ADAMTS12: variants seen among roughly 807,000 people sequenced by gnomAD.
ADAMTS12 encodes ADAM metallopeptidase with thrombospondin type 1 motif 12.
ADAMTS12 carries 118 observed loss-of-function variants against 167.8 expected under a neutral mutation model. The ratio of observed to expected loss-of-function variants is 0.70; its 90% confidence interval spans 0.61 to 0.82. The LOEUF (loss-of-function observed/expected upper bound fraction) is 0.82. Ranked by LOEUF, ADAMTS12 falls within the 40% of genes least tolerant of loss-of-function variation. The probability of loss-of-function intolerance (pLI) is 0.00; values close to 1 mark genes in which losing one functional copy is unlikely to be tolerated. For synonymous variants in ADAMTS12, 704 were observed against 716.9 expected (o/e 0.98, Z 0.29); for missense variants, 1,916 against 1,998.8 (o/e 0.96, Z 0.79).
intron 3 of ADAMTS12, among the ~76,000 whole-genome samples, chr5:33,721,019 T>A (rs1743787677): frequency 6.6e-6 from 1 of 152,198 alleles, no homozygotes; most frequent in Non-Finnish European, 1.5e-5. Flanking sequence ...TGTGAAATAG[T>A]CACACAATGG....
At chr5:33,584,079 C>T (rs1006101939) in intron 18 of ADAMTS12, among the ~76,000 whole-genome samples, 3 of 152,178 alleles carry the variant, frequency 2.0e-5, no homozygotes, top group African/African-American at 2.4e-5. Flanking sequence ...GTGCTGCCTG[C>T]GTTCAAATCC....
intron 2 of ADAMTS12, among the ~76,000 whole-genome samples, chr5:33,753,820 C>T (rs544465403): frequency 1.8e-4 from 27 of 152,282 alleles, no homozygotes; most frequent in African/African-American, 6.0e-4. Flanking sequence ...CCAGGGTGCA[C>T]GCGGAAAATC....
At chr5:33,816,800 G>T (rs555838088) in intron 2 of ADAMTS12, among the ~76,000 whole-genome samples, 60 of 152,274 alleles carry the variant, frequency 3.9e-4, no homozygotes, top group African/African-American at 1.4e-3. Flanking sequence ...TGTTCTAAGA[G>T]TGAGTAGGAT....
chr5:33,545,924 T>C, intron 22 of ADAMTS12, 135 bp downstream of exon 22: 2 of 1,023,212 alleles, frequency 2.0e-6, no homozygotes, highest in Non-Finnish European at 2.8e-6. Flanking sequence ...GATGAGTTGA[T>C]GGGTGCAGCA....
chr5:33,773,083 C>CA (rs1745803293), intron 2 of ADAMTS12, among the ~76,000 whole-genome samples: 2 of 152,316 alleles, frequency 1.3e-5, no homozygotes, highest in South Asian at 4.1e-4. Context: ...GCATAAATAA[C>CA]CAGGATTCTT....
chr5:33,526,501 C>A lies in ADAMTS12; in HGVS notation c.*687G>T, dbSNP rs1298521103. ...CCAGAAGTGTTTTCTGTGTAAGTGACCTAAACCCCTTAGGCTGTGTTTCTT... is the reference window on the plus strand; with the variant it reads ...CCAGAAGTGTTTTCTGTGTAAGTGAACTAAACCCCTTAGGCTGTGTTTCTT... On this transcript the variant is annotated 3_prime_UTR_variant, in exon 24 of 24. Transcript: ENST00000504830. 6.6e-6 allele frequency: 1 copy of A among 152,196 alleles called. No individual in the cohort carries two copies. The highest frequency in any genetic ancestry group is 1.9e-4 in the East Asian group (1 of 5,200). 9.4% of individuals were successfully genotyped at this position (152,196 alleles called of 1,614,324 possible).
In ADAMTS12 at chr5:33,868,453, G is replaced by A. The variant is rs184040547; in HGVS notation, c.489+12666C>T. On this transcript the variant is annotated intron_variant, in intron 2 of 23. Transcript: ENST00000504830. Reference sequence around the variant, plus strand: ...CTAAGGTGGTCTCAGATGGTGATGAGGAACTTGTTGGGAACTAGAGCAAAG... The same window carrying A: ...CTAAGGTGGTCTCAGATGGTGATGAAGAACTTGTTGGGAACTAGAGCAAAG... Among the ~76,000 whole-genome samples the A allele has an allele frequency of 2.2e-3, 340 of 152,320 alleles. 2 individuals carry two copies. Among genetic ancestry groups the A allele is most frequent in the African/African-American group, 7.8e-3 (326 of 41,576 alleles).
At chr5:33,829,132 G>T (rs1748202939) in intron 2 of ADAMTS12, among the ~76,000 whole-genome samples, 1 of 152,098 alleles carries the variant, frequency 6.6e-6, no homozygotes, top group South Asian at 2.1e-4. Flanking sequence ...ACAAACAGAT[G>T]GCACCTTTCG....
At chr5:33,529,416 G>A (rs975656801) in intron 23 of ADAMTS12, among the ~76,000 whole-genome samples, 2 of 152,060 alleles carry the variant, frequency 1.3e-5, no homozygotes, top group African/African-American at 4.8e-5. Context: ...AGAAAGTGAA[G>A]TTGTTTTAAG....
intron 3 of ADAMTS12, among the ~76,000 whole-genome samples, chr5:33,730,263 G>A (rs527292827): frequency 6.6e-6 from 1 of 150,984 alleles, no homozygotes; most frequent in Non-Finnish European, 1.5e-5. Context: ...AGGTGCTGGT[G>A]CTATTATGAG....
intron 2 of ADAMTS12, among the ~76,000 whole-genome samples, chr5:33,834,230 G>A (rs1748420477): frequency 6.8e-6 from 1 of 146,700 alleles, no homozygotes; most frequent in African/African-American, 2.7e-5. Context: ...TCTATTCTGA[G>A]GTACTGGAGG....
At chr5:33,837,430 G>C (rs1385063894) in intron 2 of ADAMTS12, among the ~76,000 whole-genome samples, 1 of 152,184 alleles carries the variant, frequency 6.6e-6, no homozygotes, top group Admixed American at 6.5e-5. Flanking sequence ...ACTGGAGAAA[G>C]TCCTCATAAG....
At chr5:33,834,001 T>C (rs765110154) in intron 2 of ADAMTS12, among the ~76,000 whole-genome samples, 1 of 151,356 alleles carries the variant, frequency 6.6e-6, no homozygotes, top group African/African-American at 2.4e-5. Context: ...GATCAAAGTG[T>C]AGGCAAGGTT....
chr5:33,557,724 C>T (rs1432632561), intron 20 of ADAMTS12, among the ~76,000 whole-genome samples: 1 of 152,130 alleles, frequency 6.6e-6, no homozygotes, highest in South Asian at 2.1e-4. Context: ...GATCCCCAAT[C>T]CCCCAGTCTG....
At chr5:33,767,453 C>CA (rs2112419783) in intron 2 of ADAMTS12, among the ~76,000 whole-genome samples, 3 of 151,900 alleles carry the variant, frequency 2.0e-5, no homozygotes, top group Admixed American at 2.0e-4. Flanking sequence ...TGTATTTATC[C>CA]AATCTCTATA....
chr5:33,743,685 G>GTCTA (rs1744680948), intron 3 of ADAMTS12, among the ~76,000 whole-genome samples: 1 of 152,100 alleles, frequency 6.6e-6, no homozygotes, highest in Non-Finnish European at 1.5e-5. Context: ...TTCTATCTGC[G>GTCTA]TCTATCCATC....
chr5:33,619,821 A>C (rs893887862), intron 14 of ADAMTS12, among the ~76,000 whole-genome samples: 2 of 152,142 alleles, frequency 1.3e-5, no homozygotes, highest in African/African-American at 4.8e-5. Flanking sequence ...CAGCCTCCTG[A>C]GTAGCTGGGA....
chr5:33,721,744 A>G (rs904035876), intron 3 of ADAMTS12, among the ~76,000 whole-genome samples: 1 of 152,220 alleles, frequency 6.6e-6, no homozygotes, highest in Non-Finnish European at 1.5e-5. Flanking sequence ...TCCTGGGTCT[A>G]TTCCACAGCC....
intron 1 of ADAMTS12, among the ~76,000 whole-genome samples, chr5:33,885,770 G>C (rs1750614084): frequency 6.6e-6 from 1 of 152,182 alleles, no homozygotes; most frequent in Admixed American, 6.5e-5. Flanking sequence ...GATGGGGAGG[G>C]GGCAGCTAGA....
Sources: gnomAD v4.1 joint callset for allele counts (sites outside exome capture counted in the v4.1 genomes callset) on GRCh38, gnomAD v4.1.1 for gene constraint, MANE v1.5 for transcripts, NCBI Gene and HGNC (gene_info 2026-07-23, HGNC 2026-07-21) for gene names.